SLIT1: variants seen among roughly 807,000 people sequenced by gnomAD.
SLIT1 encodes the protein slit guidance ligand 1.
Under a neutral mutation model 186.1 loss-of-function variants are expected in SLIT1, and 66 were observed. That is an observed-to-expected ratio of 0.35 (90% CI 0.29 to 0.44). The LOEUF (loss-of-function observed/expected upper bound fraction) is 0.44, where lower values mean the gene tolerates loss of function less well. Among genes scored for constraint, SLIT1 ranks in the 20% least tolerant of loss-of-function variants. The pLI is 1.00. For missense variants in SLIT1, 1,638 were observed against 2,037.4 expected (o/e 0.80, Z 3.77); for synonymous variants, 761 against 833.8 (o/e 0.91, Z 1.50).
At chr10:97,031,946 G>A (rs568035050) in intron 23 of SLIT1, among the ~76,000 whole-genome samples, 10 of 152,244 alleles carry the variant, frequency 6.6e-5, no homozygotes, top group African/African-American at 2.2e-4. Context: ...GGCTGTCCTG[G>A]GGACGAAATC....
intron 4 of SLIT1, among the ~76,000 whole-genome samples, chr10:97,072,479 C>T (rs1472661319): frequency 2.0e-5 from 3 of 152,080 alleles, no homozygotes; most frequent in Non-Finnish European, 2.9e-5. Flanking sequence ...ATCTTTCAGG[C>T]TTTGTTCTGG....
chr10:97,097,365 G>C (rs1270264995), intron 4 of SLIT1, among the ~76,000 whole-genome samples: 2 of 152,206 alleles, frequency 1.3e-5, no homozygotes, highest in Non-Finnish European at 2.9e-5. Context: ...GAAGGTCTCA[G>C]AGACCACTAA....
chr10:97,177,924 C>A (rs1349088556), intron 1 of SLIT1, among the ~76,000 whole-genome samples: 1 of 151,906 alleles, frequency 6.6e-6, no homozygotes, highest in East Asian at 1.9e-4. Flanking sequence ...TGCAGTGAGT[C>A]GAGATTGTGC....
intron 4 of SLIT1, among the ~76,000 whole-genome samples, chr10:97,099,932 C>A (rs1454917325): frequency 6.6e-6 from 1 of 152,176 alleles, no homozygotes; most frequent in East Asian, 1.9e-4. Flanking sequence ...GTTGAAAAGC[C>A]ATTTAATAAT....
At chr10:97,018,920 TG>T in intron 27 of SLIT1, 62 bp downstream of exon 27, 1 of 1,014,582 alleles carries the variant, frequency 9.9e-7, no homozygotes, top group Non-Finnish European at 1.5e-6. Flanking sequence ...CTCTGGGCCC[TG>T]GGGACAGCCC....
At chr10:97,041,545 C>T (rs1429611938) in intron 20 of SLIT1, among the ~76,000 whole-genome samples, 2 of 149,026 alleles carry the variant, frequency 1.3e-5, no homozygotes, top group Non-Finnish European at 3.0e-5. Context: ...GATCTCGGCT[C>T]ACTGCAACCT....
chr10:97,056,663 G>A (rs573348751), intron 12 of SLIT1, among the ~76,000 whole-genome samples, 199 bp from the exon 13 acceptor site: 2 of 152,326 alleles, frequency 1.3e-5, no homozygotes, highest in Admixed American at 6.5e-5. Context: ...CATGCATAGG[G>A]ACATCTTGGT....
intron 4 of SLIT1, chr10:97,153,701 G>T (rs1428385953): frequency 6.6e-6 from 1 of 152,248 alleles, no homozygotes; most frequent in Non-Finnish European, 1.5e-5. Context: ...GAAACCCGGA[G>T]TTGGGGCCTG....
chr10:97,006,760 A>T lies in SLIT1; in HGVS notation c.3342-40T>A. On this transcript the variant is annotated intron_variant, in intron 31 of 36. Coordinates refer to ENST00000266058, the MANE Select transcript of SLIT1 (RefSeq NM_003061.3). The surrounding 1 kb of genome is among the most constrained non-coding windows in gnomAD (Gnocchi z 4.0). Reference sequence around the variant, plus strand: ...CATAAGTCAGAGAGGGCCAAGGAGGAAGGGAGTATCTTCCTCTCCCACAGC... The same window carrying T: ...CATAAGTCAGAGAGGGCCAAGGAGGTAGGGAGTATCTTCCTCTCCCACAGC... 7.1e-7 allele frequency: 1 copy of T among 1,410,984 alleles called. No individual in the cohort carries two copies. Among genetic ancestry groups the T allele is most frequent in the Non-Finnish European group, 1.0e-6 (1 of 998,772 alleles). The allele number at this position is 1,410,984 out of a possible 1,614,324, so 87.4% of individuals were successfully genotyped here.
chr10:97,072,589 G>A (rs1849009865), intron 4 of SLIT1, among the ~76,000 whole-genome samples: 1 of 152,204 alleles, frequency 6.6e-6, no homozygotes, highest in Non-Finnish European at 1.5e-5. Flanking sequence ...AAAGCTGGGT[G>A]TGGAACTGTC....
rs1292734220 is a variant in SLIT1, at chr10:97,034,460, C to G, written c.2438+11G>C. Reference sequence around the variant, plus strand: ...CCCGGGGCCCCCCACCCCAGCCCTGCTGGGACTCACAGAGTGGTCAGCTGG... The same window carrying G: ...CCCGGGGCCCCCCACCCCAGCCCTGGTGGGACTCACAGAGTGGTCAGCTGG... On this transcript the variant is annotated intron_variant, in intron 23 of 36. Transcript: ENST00000266058. 2.5e-6 allele frequency: 4 copies of G among 1,610,460 alleles called. No homozygotes were observed. Among genetic ancestry groups the G allele is most frequent in the African/African-American group, 2.7e-5 (2 of 74,856 alleles).
At chr10:97,059,848 C>G (rs1437437647) in intron 10 of SLIT1, among the ~76,000 whole-genome samples, 2 of 152,170 alleles carry the variant, frequency 1.3e-5, no homozygotes, top group Non-Finnish European at 2.9e-5. Context: ...GGGAGGATGA[C>G]AAGCAGCTCC....
At chr10:97,141,686 CGTAT>C (rs1849761842) in intron 4 of SLIT1, among the ~76,000 whole-genome samples, 1 of 148,440 alleles carries the variant, frequency 6.7e-6, no homozygotes, top group Non-Finnish European at 1.5e-5. Context: ...CGTATTGTAT[CGTAT>C]CGTATCGTAT....
At chr10:97,099,325 AC>A (rs1208866917) in intron 4 of SLIT1, among the ~76,000 whole-genome samples, 2 of 152,176 alleles carry the variant, frequency 1.3e-5, no homozygotes, top group Non-Finnish European at 2.9e-5. Context: ...CACAGGCACC[AC>A]CGCACCAGGC....
intron 4 of SLIT1, chr10:97,101,476 C>T (rs921581043): frequency 1.3e-5 from 2 of 152,258 alleles, no homozygotes; most frequent in African/African-American, 4.8e-5. Context: ...GTTCAACCCT[C>T]TCTTCTGGCA....
chr10:97,166,126 C>T (rs1448237376), intron 1 of SLIT1, among the ~76,000 whole-genome samples: 2 of 152,100 alleles, frequency 1.3e-5, no homozygotes, highest in African/African-American at 4.8e-5. Flanking sequence ...TCTCACTTGG[C>T]CAATTTTAGT....
intron 3 of SLIT1, among the ~76,000 whole-genome samples, chr10:97,158,836 A>C (rs933712890): frequency 2.6e-5 from 4 of 151,674 alleles, no homozygotes; most frequent in African/African-American, 9.7e-5. Flanking sequence ...AGATCACGCC[A>C]CCGCACTCCA....
chr10:97,157,917 C>T, intron 3 of SLIT1, 28 bp from the exon 4 acceptor site: 3 of 1,559,180 alleles, frequency 1.9e-6, no homozygotes, highest in Non-Finnish European at 1.8e-6. Context: ...AATTGGAAAT[C>T]ACCTAGACAG....
intron 3 of SLIT1, among the ~76,000 whole-genome samples, chr10:97,158,156 C>T (rs1051207396): frequency 5.9e-5 from 9 of 152,140 alleles, no homozygotes; most frequent in East Asian, 5.8e-4. Flanking sequence ...TACTTCTTCC[C>T]ATAGCCATCA....
Sources: gnomAD v4.1 joint callset for allele counts (sites outside exome capture counted in the v4.1 genomes callset) on GRCh38, gnomAD v4.1.1 for gene constraint, Gnocchi (gnomAD v3.1) non-coding constraint, MANE v1.5 for transcripts, NCBI Gene and HGNC (gene_info 2026-07-23, HGNC 2026-07-21) for gene names.